Variants in UBR1 observed in about 807,000 individuals in gnomAD.
UBR1 encodes E3 ubiquitin-protein ligase UBR1.
UBR1 carries 102 observed loss-of-function variants against 242.1 expected under a neutral mutation model. That is an observed-to-expected ratio of 0.42 (90% CI 0.36 to 0.50). The LOEUF is 0.50. Among genes scored for constraint, UBR1 ranks in the 20% least tolerant of loss-of-function variants. UBR1 has a pLI of 0.01. For missense variants in UBR1, 1,772 were observed against 2,101.8 expected, an observed-to-expected ratio of 0.84 and a Z score of 3.07; for synonymous variants, 675 against 684.8, an observed-to-expected ratio of 0.99 and a Z score of 0.22.
intron 46 of UBR1, among the ~76,000 whole-genome samples, 197 bp downstream of exon 46, chr15:42,950,065 C>T (rs2031804954): frequency 6.6e-6 from 1 of 151,936 alleles, no homozygotes; most frequent in South Asian, 2.1e-4. Flanking sequence ...TCTCAAACTC[C>T]TGGCCGCAAA....
intron 3 of UBR1, among the ~76,000 whole-genome samples, chr15:43,077,573 T>C (rs961677392): frequency 2.7e-5 from 4 of 149,568 alleles, no homozygotes; most frequent in African/African-American, 7.4e-5. Flanking sequence ...GTTTATCTGC[T>C]GACCTTCCCT....
chr15:43,070,962 T>C, intron 4 of UBR1, 37 bp from the exon 5 acceptor site: 1 of 1,608,202 alleles, frequency 6.2e-7, no homozygotes, highest in South Asian at 1.1e-5. Context: ...TAGTCAAGAT[T>C]GTATACAAAT....
At chr15:43,084,109 A>C (rs2034005130) in intron 2 of UBR1, among the ~76,000 whole-genome samples, 1 of 152,186 alleles carries the variant, frequency 6.6e-6, no homozygotes, top group South Asian at 2.1e-4. Context: ...AGGTTGTCTA[A>C]TAATATTCTG....
intron 1 of UBR1, among the ~76,000 whole-genome samples, chr15:43,091,704 G>T (rs1048904572): frequency 4.6e-5 from 7 of 151,822 alleles, no homozygotes; most frequent in African/African-American, 1.7e-4. Context: ...GGCCGAGGTG[G>T]GTGGATCACT....
At position 43,047,305 on chromosome 15, in the gene UBR1, G is replaced by T; in HGVS notation, c.1540-16C>A. On this transcript the variant is annotated splice_polypyrimidine_tract_variant and intron_variant, in intron 13 of 46. Transcript: ENST00000290650. ...CTTCCATTCCCTGCAATTACAAGTT[G>T]GTCAACATACACCTATCTGAGCCCT... is the stretch of plus-strand genomic sequence containing the variant. 6.2e-7 allele frequency: 1 copy of T among 1,613,974 alleles called. No homozygotes were observed. Among genetic ancestry groups the T allele is most frequent in the South Asian group, 1.1e-5 (1 of 91,074 alleles).
chr15:43,029,184 A>G (rs2033220826), intron 21 of UBR1, among the ~76,000 whole-genome samples: 2 of 152,028 alleles, frequency 1.3e-5, no homozygotes, highest in African/African-American at 2.4e-5. Flanking sequence ...ACAAATAAGT[A>G]TAATTATTTT....
At chr15:43,033,821 T>A (rs1448991044) in intron 19 of UBR1, among the ~76,000 whole-genome samples, 1 of 152,110 alleles carries the variant, frequency 6.6e-6, no homozygotes, top group Non-Finnish European at 1.5e-5. Flanking sequence ...AATAAAGACG[T>A]GGCTGGGCAC....
chr15:43,012,917 T>G (rs2032947533), intron 29 of UBR1, among the ~76,000 whole-genome samples: 1 of 152,222 alleles, frequency 6.6e-6, no homozygotes, highest in Non-Finnish European at 1.5e-5. Context: ...CACAAGATTT[T>G]TTTTTTGAGA....
At chr15:42,950,673 G>A (rs2031819917) in intron 45 of UBR1, 5 of 366,762 alleles carry the variant, frequency 1.4e-5, no homozygotes, top group South Asian at 1.3e-4. Flanking sequence ...AATGGTGGCT[G>A]GGGTTGTTTC....
At chr15:43,075,803 C>G (rs1031076486) in intron 3 of UBR1, among the ~76,000 whole-genome samples, 3 of 151,680 alleles carry the variant, frequency 2.0e-5, no homozygotes, top group Non-Finnish European at 2.9e-5. Context: ...TTAGTAGAGA[C>G]GGGGTTTCTC....
intron 15 of UBR1, among the ~76,000 whole-genome samples, chr15:43,042,986 A>G (rs2033438598): frequency 6.6e-6 from 1 of 152,162 alleles, no homozygotes; most frequent in South Asian, 2.1e-4. Context: ...ATATACTCTA[A>G]GGATCCATAA....
intron 38 of UBR1, 95 bp from the exon 39 acceptor site, chr15:42,976,962 AGTGT>A (rs1247661375): frequency 1.5e-6 from 2 of 1,348,318 alleles, no homozygotes; most frequent in Non-Finnish European, 2.1e-6. Flanking sequence ...GATGCTACAC[AGTGT>A]TTGTGTGTGT....
Position 43,024,815 on chromosome 15 carries a change from T to C in UBR1, c.2739+14A>G. On this transcript the variant is annotated intron_variant, in intron 25 of 46. Coordinates refer to ENST00000290650, the MANE Select transcript of UBR1 (RefSeq NM_174916.3). ...TAGGACTTGATGTAGAGAAAATATT[T>C]CAGGTAAACAAACCATTTGGAGCAT... is the stretch of plus-strand genomic sequence containing the variant. 1 of 1,614,146 alleles carries C rather than the reference T, an allele frequency of 6.2e-7. No homozygotes were observed. Among genetic ancestry groups the C allele is most frequent in the Non-Finnish European group, 8.5e-7 (1 of 1,179,986 alleles).
chr15:43,042,779 C>G (rs1241890642), intron 15 of UBR1, among the ~76,000 whole-genome samples: 1 of 151,764 alleles, frequency 6.6e-6, no homozygotes, highest in Non-Finnish European at 1.5e-5. Context: ...TTTTAAAAAC[C>G]CTGACAAATG....
At chr15:43,038,074 C>T (rs2033360588) in intron 16 of UBR1, 97 bp downstream of exon 16, 1 of 1,399,430 alleles carries the variant, frequency 7.1e-7, no homozygotes, top group Non-Finnish European at 1.0e-6. Flanking sequence ...GGGAATTCCT[C>T]AGGTGGGTTT....
At chr15:43,035,970 C>A (rs1416484274) in intron 19 of UBR1, among the ~76,000 whole-genome samples, 1 of 151,518 alleles carries the variant, frequency 6.6e-6, no homozygotes, top group Non-Finnish European at 1.5e-5. Flanking sequence ...GGGAGATATA[C>A]CTAATGCTAG....
chr15:43,033,863 A>T (rs2141314293), intron 19 of UBR1, among the ~76,000 whole-genome samples: 1 of 152,026 alleles, frequency 6.6e-6, no homozygotes, highest in South Asian at 2.1e-4. Context: ...CAGCAATTTG[A>T]GAGGCCAGGG....
chr15:43,097,696 C>T (rs2034178030), intron 1 of UBR1, among the ~76,000 whole-genome samples: 1 of 152,212 alleles, frequency 6.6e-6, no homozygotes, highest in African/African-American at 2.4e-5. Context: ...CCAACCTCTG[C>T]CAGCTTCCAA....
chr15:42,956,219 C>CA (rs2031917773), intron 44 of UBR1, among the ~76,000 whole-genome samples: 1 of 151,998 alleles, frequency 6.6e-6, no homozygotes, highest in Non-Finnish European at 1.5e-5. Flanking sequence ...AAAACAACAA[C>CA]AAAAAAAGAT....
Sources: gnomAD v4.1 joint callset for allele counts (sites outside exome capture counted in the v4.1 genomes callset) on GRCh38, gnomAD v4.1.1 for gene constraint, MANE v1.5 for transcripts, NCBI Gene and HGNC (gene_info 2026-07-23, HGNC 2026-07-21) for gene names.